COBL: variants seen among roughly 807,000 people sequenced by gnomAD.
COBL encodes the protein protein cordon-bleu.
Under a neutral mutation model 98.8 loss-of-function variants are expected in COBL, and 51 were observed. The observed-to-expected ratio is 0.52, with a 90% CI of 0.41 to 0.65. The LOEUF is 0.65. Among genes scored for constraint, COBL ranks in the 30% least tolerant of loss-of-function variants. The probability of loss-of-function intolerance (pLI) is 0.00; values close to 1 mark genes in which losing one functional copy is unlikely to be tolerated. For synonymous variants in COBL, 634 were observed against 651.7 expected (o/e 0.97, Z 0.41); for missense variants, 1,617 against 1,617.5 (o/e 1.00, Z 0.01).
chr7:51,258,323 C>G (rs1797384181), intron 1 of COBL, among the ~76,000 whole-genome samples: 2 of 152,042 alleles, frequency 1.3e-5, no homozygotes, highest in South Asian at 4.1e-4. Context: ...CAATTATGTC[C>G]CTGGGCTTGG....
chr7:51,206,491 C>CAAAAAAAAAAA (rs1216887855), intron 2 of COBL, among the ~76,000 whole-genome samples: 21 of 101,202 alleles, frequency 2.1e-4, no homozygotes, highest in African/African-American at 7.0e-4. Flanking sequence ...GACTCTGTCT[C>CAAAAAAAAAAA]AAAAAAAAAA....
intron 6 of COBL, among the ~76,000 whole-genome samples, chr7:51,121,428 T>C (rs1337002341): frequency 6.6e-6 from 1 of 152,148 alleles, no homozygotes; most frequent in Non-Finnish European, 1.5e-5. Context: ...ATCACATACA[T>C]AATTTGCAAA....
intron 6 of COBL, among the ~76,000 whole-genome samples, chr7:51,121,033 C>T (rs541272219): frequency 6.1e-4 from 92 of 151,990 alleles, no homozygotes; most frequent in Non-Finnish European, 9.8e-4. Context: ...GATATATGCC[C>T]GGAAGTGAAA....
chr7:51,281,852 G>A (rs1263967431), intron 1 of COBL, among the ~76,000 whole-genome samples: 1 of 152,118 alleles, frequency 6.6e-6, no homozygotes, highest in Non-Finnish European at 1.5e-5. Flanking sequence ...GAACAGACAT[G>A]TTAAACATCT....
At chr7:51,311,283 G>C (rs1207522437) in intron 1 of COBL, among the ~76,000 whole-genome samples, 1 of 152,226 alleles carries the variant, frequency 6.6e-6, no homozygotes, top group African/African-American at 2.4e-5. Flanking sequence ...AGGGAAGCGT[G>C]CTAACACCCC....
chr7:51,279,932 A>T (rs1799664192), intron 1 of COBL, among the ~76,000 whole-genome samples: 1 of 152,080 alleles, frequency 6.6e-6, no homozygotes, highest in Non-Finnish European at 1.5e-5. Flanking sequence ...ATGTCTTTCT[A>T]TGGCTTGATG....
chr7:51,150,233 C>T (rs895316407), intron 5 of COBL, among the ~76,000 whole-genome samples: 2 of 152,218 alleles, frequency 1.3e-5, no homozygotes, highest in African/African-American at 2.4e-5. Context: ...GTAGCCCAAC[C>T]TTCTGGTCCA....
In COBL at chr7:51,136,292, G is replaced by GT; in HGVS notation, c.822dup (p.Arg275ThrfsTer53). 1.2e-6 allele frequency: 2 copies of GT among 1,614,084 alleles called. No individual in the cohort carries two copies. The highest frequency in any genetic ancestry group is 1.1e-5 in the South Asian group (1 of 91,060). ...AGGGATGGACCCAGCGTAAGAGAAC[G>GT]TGAGTGCATGGATGGGGAGTTGGGG... is the stretch of plus-strand genomic sequence containing the variant. On this transcript the variant is annotated frameshift_variant, in exon 6 of 13. Transcript: ENST00000265136. LOFTEE classifies it high-confidence loss of function.
At chr7:51,203,687 A>T (rs1285125862) in intron 2 of COBL, among the ~76,000 whole-genome samples, 1 of 152,136 alleles carries the variant, frequency 6.6e-6, no homozygotes, top group Non-Finnish European at 1.5e-5. Flanking sequence ...GAGAAACAGA[A>T]ATCCTGAAGA....
chr7:51,244,159 G>A (rs1369754334), intron 1 of COBL, among the ~76,000 whole-genome samples: 1 of 152,162 alleles, frequency 6.6e-6, no homozygotes, highest in African/African-American at 2.4e-5. Flanking sequence ...ATGAAACCCA[G>A]TGCACAACCT....
intron 11 of COBL, among the ~76,000 whole-genome samples, chr7:51,026,342 G>C (rs923895151): frequency 1.3e-5 from 2 of 152,232 alleles, no homozygotes; most frequent in African/African-American, 4.8e-5. Context: ...AGCTCTTGCT[G>C]CTCCTTGCCA....
intron 1 of COBL, among the ~76,000 whole-genome samples, chr7:51,306,205 A>G (rs1490633388): frequency 6.6e-6 from 1 of 151,940 alleles, no homozygotes; most frequent in African/African-American, 2.4e-5. Context: ...CACCAGGGCT[A>G]TTTTCTCTCC....
At chr7:51,017,611 G>A in intron 12 of COBL, 43 bp from the exon 13 acceptor site, 1 of 1,607,496 alleles carries the variant, frequency 6.2e-7, no homozygotes, top group Non-Finnish European at 8.5e-7. Flanking sequence ...ATGTCAATAA[G>A]CCCAGGATGC....
intron 7 of COBL, among the ~76,000 whole-genome samples, chr7:51,055,152 T>G (rs914725851): frequency 2.0e-5 from 3 of 152,190 alleles, no homozygotes; most frequent in Non-Finnish European, 4.4e-5. Flanking sequence ...TTGAAAGTCC[T>G]TATCTTCCCG....
intron 1 of COBL, among the ~76,000 whole-genome samples, chr7:51,285,844 A>G (rs1355191314): frequency 6.6e-6 from 1 of 152,238 alleles, no homozygotes; most frequent in Non-Finnish European, 1.5e-5. Context: ...AAGACTTACT[A>G]TAAAGCTACA....
chr7:51,265,411 G>C (rs949798115), intron 1 of COBL, among the ~76,000 whole-genome samples: 1 of 152,214 alleles, frequency 6.6e-6, no homozygotes, highest in Admixed American at 6.5e-5. Context: ...ACCGCCACCA[G>C]GCTTAGGGCA....
chr7:51,203,234 G>T (rs573768385), intron 2 of COBL, among the ~76,000 whole-genome samples: 4 of 116,324 alleles, frequency 3.4e-5, no homozygotes, highest in Admixed American at 1.6e-4. Flanking sequence ...AGGCCGAGGC[G>T]GGCGGATCAC....
chr7:51,265,006 T>C (rs1032933905), intron 1 of COBL, among the ~76,000 whole-genome samples: 1 of 152,146 alleles, frequency 6.6e-6, no homozygotes, highest in Non-Finnish European at 1.5e-5. Context: ...TGGCCCTCAG[T>C]AGGTCACTCA....
intron 5 of COBL, among the ~76,000 whole-genome samples, chr7:51,146,160 C>T (rs1166586427): frequency 1.3e-5 from 2 of 152,236 alleles, no homozygotes; most frequent in African/African-American, 4.8e-5. Flanking sequence ...AGCTGCAACT[C>T]CATCCTTCTG....
Sources: gnomAD v4.1 joint callset for allele counts (sites outside exome capture counted in the v4.1 genomes callset) on GRCh38, gnomAD v4.1.1 for gene constraint, MANE v1.5 for transcripts, NCBI Gene and HGNC (gene_info 2026-07-23, HGNC 2026-07-21) for gene names.